Variants in ANO5 observed in about 807,000 individuals in gnomAD.
The protein encoded by ANO5 is anoctamin 5, also known as anoctamin-5.
A neutral mutation model predicts 121.0 loss-of-function variants in ANO5; 109 were observed. The ratio of observed to expected loss-of-function variants is 0.90; its 90% CI spans 0.77 to 1.06. The LOEUF (loss-of-function observed/expected upper bound fraction) is 1.06, where lower values mean the gene tolerates loss of function less well. Ranked by LOEUF, ANO5 falls within the 50% of genes least tolerant of loss-of-function variation. The pLI, the probability that ANO5 is intolerant of heterozygous loss-of-function variation, is 0.00. For missense variants in ANO5, 1,064 were observed against 1,078.5 expected, an observed-to-expected ratio of 0.99 and a Z score of 0.19; for synonymous variants, 406 against 359.9, an observed-to-expected ratio of 1.13 and a Z score of -1.45.
At chr11:22,231,694 T>A (rs1343978281) in intron 7 of ANO5, among the ~76,000 whole-genome samples, 1 of 144,424 alleles carries the variant, frequency 6.9e-6, no homozygotes, top group Non-Finnish European at 1.6e-5. Flanking sequence ...AAATGTAAGT[T>A]TTCTGCTAAA....
At chr11:22,257,625 G>A (rs1279906014) in intron 13 of ANO5, 55 bp from the exon 14 acceptor site, 1 of 1,428,230 alleles carries the variant, frequency 7.0e-7, no homozygotes, top group Non-Finnish European at 9.9e-7. Context: ...AGTGCTTGGA[G>A]TCTTGACTTA....
intron 21 of ANO5, 125 bp from the exon 22 acceptor site, chr11:22,279,419 C>T: frequency 1.3e-6 from 1 of 769,408 alleles, no homozygotes; most frequent in Non-Finnish European, 2.2e-6. Context: ...ACCATATCTT[C>T]TTCCTTGCCT....
intron 13 of ANO5, among the ~76,000 whole-genome samples, chr11:22,257,292 C>G (rs1854034342): frequency 6.6e-6 from 1 of 152,130 alleles, no homozygotes; most frequent in African/African-American, 2.4e-5. Context: ...AATTTAATAT[C>G]ATGCAGAGCA....
At chr11:22,211,454 A>G (rs1852273961) in intron 3 of ANO5, 140 bp downstream of exon 3, 5 of 1,005,102 alleles carry the variant, frequency 5.0e-6, no homozygotes, top group African/African-American at 1.7e-5. Flanking sequence ...ATTACTTTAG[A>G]AAAAAAAAAT....
intron 14 of ANO5, among the ~76,000 whole-genome samples, chr11:22,259,213 G>C (rs1040868387): frequency 1.3e-5 from 2 of 152,026 alleles, no homozygotes; most frequent in African/African-American, 4.8e-5. Context: ...AAGGCCACGG[G>C]CAGGATTTGG....
Position 22,279,986 on chromosome 11 carries a change from T to G in ANO5, c.*221T>G. ...TCATTGACTGGGCCCTCTCCAGATG[T>G]TGTTTTCTGAGGTGCTGTAAATGAC... is the stretch of plus-strand genomic sequence containing the variant. On this transcript the variant is annotated 3_prime_UTR_variant, in exon 22 of 22. Transcript: ENST00000324559. 5.5e-6 allele frequency: 3 copies of G among 541,414 alleles called. No homozygotes were observed. The highest frequency in any genetic ancestry group is 9.8e-6 in the Non-Finnish European group (3 of 306,060). 33.5% of individuals were successfully genotyped at this position (541,414 alleles called of 1,614,324 possible).
At chr11:22,194,571 C>T (rs1279075496) in intron 1 of ANO5, among the ~76,000 whole-genome samples, 1 of 152,076 alleles carries the variant, frequency 6.6e-6, no homozygotes, top group Non-Finnish European at 1.5e-5. Context: ...CTTTCATCAC[C>T]CCAAATAGAA....
chr11:22,242,807 T>G (rs147540699), intron 9 of ANO5, among the ~76,000 whole-genome samples: 3,141 of 151,956 alleles, frequency 0.021, 105 homozygotes, highest in African/African-American at 0.071. Context: ...TTTGGTGGAG[T>G]CTTTAGGGTT....
chr11:22,208,226 A>G (rs1038615137), intron 2 of ANO5, among the ~76,000 whole-genome samples: 1 of 152,038 alleles, frequency 6.6e-6, no homozygotes, highest in Admixed American at 6.6e-5. Context: ...CAAAACCTAA[A>G]CACAGATATT....
intron 7 of ANO5, among the ~76,000 whole-genome samples, chr11:22,228,124 C>G (rs1852908837): frequency 6.6e-6 from 1 of 152,006 alleles, no homozygotes; most frequent in African/African-American, 2.4e-5. Context: ...TTGAAAACCT[C>G]TCTCAGAAAG....
In ANO5 at chr11:22,221,112, C is replaced by T; in HGVS notation, c.196C>T (p.Gln66Ter). The T allele has an allele frequency of 6.2e-7, 1 of 1,611,216 alleles. No individual in the cohort carries two copies. ...TCTCCTGCAGTTTCAAAAAAATCAG[C>T]AAAGCAAAGATTCTATCTTCTTCCG... The part of the protein sequence containing the change: ...RRRLMFQKNQ[Q>*]SKDSIFFRDG... The change falls in exon 5 of 22, where the codon CAA (glutamine) becomes TAA (stop). Residue 66 changes from glutamine (Q) to a stop codon, truncating the protein, a stop_gained. Transcript: ENST00000324559. LOFTEE classifies it high-confidence loss of function.
intron 20 of ANO5, 83 bp downstream of exon 20, chr11:22,274,830 C>T (rs1854773556): frequency 6.7e-7 from 1 of 1,498,366 alleles, no homozygotes; most frequent in Non-Finnish European, 9.1e-7. Flanking sequence ...TTCTGTCTTA[C>T]AATATAAAGG....
rs1855028289 is a variant in ANO5, at chr11:22,280,125, G to A, written c.*360G>A. The A allele has an allele frequency of 4.6e-6, 1 of 218,226 alleles. No individual in the cohort carries two copies. The highest frequency in any genetic ancestry group is 2.3e-5 in the African/African-American group (1 of 42,604). 13.5% of individuals were successfully genotyped at this position (218,226 alleles called of 1,614,324 possible). On this transcript the variant is annotated 3_prime_UTR_variant, in exon 22 of 22. Transcript: ENST00000324559. ...CTTTCCAGTGCATCTATTTATTTTT[G>A]TGGTCTTCTCTTGGGTTATTTGATA...
intron 7 of ANO5, among the ~76,000 whole-genome samples, chr11:22,229,509 C>T (rs929656473): frequency 2.0e-5 from 3 of 151,612 alleles, no homozygotes; most frequent in Non-Finnish European, 2.9e-5. Flanking sequence ...TATTTCAAGT[C>T]GTAACTCTGC....
At chr11:22,262,726 C>A (rs1854231502) in intron 16 of ANO5, among the ~76,000 whole-genome samples, 1 of 152,134 alleles carries the variant, frequency 6.6e-6, no homozygotes, top group South Asian at 2.1e-4. Flanking sequence ...GAATGAGACC[C>A]AGAAATCTGT....
rs867578091 is a variant in ANO5, at chr11:22,236,193, G to A, written c.679G>A (p.Gly227Ser). The A allele has an allele frequency of 1.2e-6, 2 of 1,613,132 alleles. No homozygotes were observed. Among genetic ancestry groups the A allele is most frequent in the Middle Eastern group, 3.3e-4 (2 of 6,054 alleles). The change falls in exon 8 of 22, where the codon GGC becomes AGC. Residue 227 changes from glycine (G) to serine (S), a missense_variant. Coordinates refer to ENST00000324559, the MANE Select transcript of ANO5 (RefSeq NM_213599.3). The stretch of plus-strand genomic sequence containing the variant: ...CTATATTCTCTCAAGATGTCCTTTT[G>A]GCATAGAAGATGGGAAGAAAAGGTT... ...VYYILSRCPFGIEDGKKRFGI... is the reference protein window; with the variant it reads ...VYYILSRCPFSIEDGKKRFGI...
At position 22,272,983 on chromosome 11, in the gene ANO5, A is replaced by G. The variant is rs1214101675; in HGVS notation, c.2229A>G (p.Ala743=). The G allele has an allele frequency of 1.2e-6, 2 of 1,613,890 alleles. No individual in the cohort carries two copies. The highest frequency in any genetic ancestry group is 1.3e-5 in the African/African-American group (1 of 75,010). The change falls in exon 19 of 22, where the codon GCA becomes GCG. Residue 743 remains alanine (A), a synonymous_variant. Coordinates refer to ENST00000324559, the MANE Select transcript of ANO5 (RefSeq NM_213599.3). The part of the protein sequence containing the change: ...ILYGMAVLSV[A]TNAFIVAFTS... The stretch of plus-strand genomic sequence containing the variant: ...ATGGAATGGCTGTCCTTTCTGTTGC[A>G]ACTAATGTAAGTGGACCTATTTCGG...
intron 1 of ANO5, among the ~76,000 whole-genome samples, chr11:22,202,700 A>G (rs1347510634): frequency 6.6e-6 from 1 of 152,242 alleles, no homozygotes; most frequent in South Asian, 2.1e-4. Context: ...CATTCATAAG[A>G]GCTCTGCACC....
intron 17 of ANO5, among the ~76,000 whole-genome samples, chr11:22,267,486 C>A (rs1854405855): frequency 7.0e-6 from 1 of 142,592 alleles, no homozygotes; most frequent in African/African-American, 2.9e-5. Flanking sequence ...ACACTATCTA[C>A]ATACCATATA....
Sources: gnomAD v4.1 joint callset for allele counts (sites outside exome capture counted in the v4.1 genomes callset) on GRCh38, gnomAD v4.1.1 for gene constraint, MANE v1.5 for transcripts, NCBI Gene and HGNC (gene_info 2026-07-23, HGNC 2026-07-21) for gene names.